Variants in NAV2 observed in about 807,000 individuals in gnomAD.
NAV2 encodes the protein neuron navigator 2, also known as helicase, APC down-regulated 1.
Under a neutral mutation model 223.2 loss-of-function variants are expected in NAV2, and 54 were observed. That is an observed-to-expected ratio of 0.24 (90% CI 0.19 to 0.30). The LOEUF (loss-of-function observed/expected upper bound fraction) is 0.30, where lower values mean the gene tolerates loss of function less well. NAV2 is among the 10% of genes least tolerant of loss of function. The pLI, the probability that NAV2 is intolerant of heterozygous loss-of-function variation, is 1.00. For synonymous variants in NAV2, 1,279 were observed against 1,239.3 expected, an observed-to-expected ratio of 1.03 and a Z score of -0.67; for missense variants, 2,806 against 3,147.5, an observed-to-expected ratio of 0.89 and a Z score of 2.60.
upstream of NAV2, among the ~76,000 whole-genome samples, chr11:19,349,924 T>C (rs1451861259): frequency 6.6e-6 from 1 of 152,130 alleles, no homozygotes; most frequent in African/African-American, 2.4e-5. Context: ...TTTTCGGCCC[T>C]GAGACAATCT....
intron 1 of NAV2, among the ~76,000 whole-genome samples, chr11:19,768,542 A>G (rs1392419177): frequency 1.3e-5 from 2 of 152,096 alleles, no homozygotes; most frequent in African/African-American, 2.4e-5. Flanking sequence ...GTCCTGGCCT[A>G]GAGAAGATTT....
intron 1 of NAV2, among the ~76,000 whole-genome samples, chr11:19,720,882 T>C (rs181183662): frequency 6.7e-4 from 102 of 152,356 alleles, no homozygotes; most frequent in Non-Finnish European, 1.1e-3. Flanking sequence ...ACATTTTCTT[T>C]CTGAGCTTCA....
intron 1 of NAV2, among the ~76,000 whole-genome samples, chr11:19,441,793 G>C (rs1402724938): frequency 2.0e-5 from 3 of 152,166 alleles, no homozygotes; most frequent in Admixed American, 6.5e-5. Context: ...GGGGCTGGGG[G>C]TGCTAAGTTG....
At chr11:19,479,172 A>G (rs1299727640) in intron 1 of NAV2, among the ~76,000 whole-genome samples, 2 of 152,134 alleles carry the variant, frequency 1.3e-5, no homozygotes, top group Non-Finnish European at 2.9e-5. Flanking sequence ...CTTCTCTGAC[A>G]GGGAGGTCAG....
intron 1 of NAV2, among the ~76,000 whole-genome samples, chr11:19,636,287 G>GAT (rs1346288424): frequency 1.3e-5 from 2 of 152,166 alleles, no homozygotes; most frequent in Non-Finnish European, 2.9e-5. Context: ...GGTAGAGAGA[G>GAT]ATTTCCTTAT....
At chr11:20,058,708 G>T (rs2058513589) in intron 19 of NAV2, among the ~76,000 whole-genome samples, 3 of 152,194 alleles carry the variant, frequency 2.0e-5, no homozygotes, top group Admixed American at 2.0e-4. Flanking sequence ...CACCTCTACT[G>T]TTAGCAGTGT....
At chr11:19,754,266 T>C (rs1225873409) in intron 1 of NAV2, among the ~76,000 whole-genome samples, 6 of 152,198 alleles carry the variant, frequency 3.9e-5, no homozygotes, top group Admixed American at 3.9e-4. Context: ...TGCATGACTT[T>C]TAACTTTGCT....
intron 1 of NAV2, among the ~76,000 whole-genome samples, chr11:19,639,853 G>C (rs2047611873): frequency 6.6e-6 from 1 of 152,164 alleles, no homozygotes; most frequent in African/African-American, 2.4e-5. Flanking sequence ...AGAAAATGTG[G>C]GGATACCCCC....
chr11:19,440,097 G>A (rs1055866455), intron 1 of NAV2, among the ~76,000 whole-genome samples: 12 of 152,148 alleles, frequency 7.9e-5, no homozygotes, highest in Admixed American at 5.2e-4. Flanking sequence ...ATGTTTAGTC[G>A]ATCACACACG....
chr11:19,447,442 A>C (rs977122490), intron 1 of NAV2, among the ~76,000 whole-genome samples: 6 of 152,158 alleles, frequency 3.9e-5, no homozygotes, highest in African/African-American at 1.4e-4. Context: ...CAGCTCCACC[A>C]CTTCCTGGCT....
At chr11:19,459,190 G>T (rs192038886) in intron 1 of NAV2, among the ~76,000 whole-genome samples, 1 of 152,238 alleles carries the variant, frequency 6.6e-6, no homozygotes, top group African/African-American at 2.4e-5. Context: ...GCATTAGCTT[G>T]TGTCATTGAA....
intron 1 of NAV2, among the ~76,000 whole-genome samples, chr11:19,358,630 T>C (rs1037603019): frequency 2.6e-5 from 4 of 152,184 alleles, no homozygotes; most frequent in African/African-American, 9.7e-5. Context: ...CCTTCATCTC[T>C]TGTGAAGCCA....
At chr11:19,825,156 G>A (rs1225736180) in intron 1 of NAV2, among the ~76,000 whole-genome samples, 2 of 151,856 alleles carry the variant, frequency 1.3e-5, no homozygotes, top group African/African-American at 2.4e-5. Flanking sequence ...GCTGGGCATG[G>A]TGGTGCACAC....
intron 1 of NAV2, among the ~76,000 whole-genome samples, chr11:19,475,561 A>G (rs2042089245): frequency 6.6e-6 from 1 of 152,180 alleles, no homozygotes; most frequent in South Asian, 2.1e-4. Context: ...TTTATGTTGA[A>G]CACTGCTGTT....
chr11:20,083,067 C>T lies in NAV2; in HGVS notation c.5386C>T (p.His1796Tyr). ...KKKSPKSASS[H>Y]SDIEEMTDSS... ...GAAGTCCCCAAAATCTGCGTCCTCT[C>T]ATTCAGATATTGAGGAGATGACGGA... Residue 1796 changes from histidine to tyrosine, a missense_variant, in exon 26 of 38, where the codon CAT (histidine) becomes TAT (tyrosine). Transcript: ENST00000349880. The T allele has an allele frequency of 6.2e-7, 1 of 1,614,174 alleles. No individual in the cohort carries two copies. Among genetic ancestry groups the T allele is most frequent in the South Asian group, 1.1e-5 (1 of 91,076 alleles).
chr11:19,489,294 A>T (rs966248945), intron 1 of NAV2, among the ~76,000 whole-genome samples: 1 of 152,192 alleles, frequency 6.6e-6, no homozygotes, highest in African/African-American at 2.4e-5. Context: ...TTAAGCTTCT[A>T]TGGGAGAGAG....
chr11:19,683,084 G>A (rs1209757812), intron 1 of NAV2, among the ~76,000 whole-genome samples: 1 of 152,108 alleles, frequency 6.6e-6, no homozygotes, highest in Non-Finnish European at 1.5e-5. Context: ...TGACTGCTTT[G>A]GTTCATATAG....
At chr11:19,357,602 G>A (rs1258854108) in intron 1 of NAV2, among the ~76,000 whole-genome samples, 1 of 152,144 alleles carries the variant, frequency 6.6e-6, no homozygotes, top group Non-Finnish European at 1.5e-5. Context: ...GAGTAAAATG[G>A]GGATGGGGGT....
chr11:19,649,955 A>T (rs547272820), intron 1 of NAV2, among the ~76,000 whole-genome samples: 1 of 152,252 alleles, frequency 6.6e-6, no homozygotes, highest in African/African-American at 2.4e-5. Flanking sequence ...TGGCAACGAC[A>T]TGAAGCAACT....
Sources: gnomAD v4.1 joint callset for allele counts (sites outside exome capture counted in the v4.1 genomes callset) on GRCh38, gnomAD v4.1.1 for gene constraint, MANE v1.5 for transcripts, NCBI Gene and HGNC (gene_info 2026-07-23, HGNC 2026-07-21) for gene names.